The following XPO4 variants were observed in gnomAD, a reference collection of about 807,000 sequenced individuals.
XPO4 encodes exportin-4.
Under a neutral mutation model 143.0 loss-of-function variants are expected in XPO4, and 39 were observed. The observed-to-expected ratio is 0.27, with a 90% CI of 0.21 to 0.36. The LOEUF (loss-of-function observed/expected upper bound fraction) is 0.36, where lower values mean the gene tolerates loss of function less well. XPO4 is among the 10% of genes least tolerant of loss of function. The pLI, the probability that XPO4 is intolerant of heterozygous loss-of-function variation, is 1.00. For synonymous variants in XPO4, 439 were observed against 474.0 expected (o/e 0.93, Z 0.96); for missense variants, 907 against 1,348.0 (o/e 0.67, Z 5.12).
At chr13:20,868,398 C>A in intron 2 of XPO4, 198 bp downstream of exon 2, 1 of 878,392 alleles carries the variant, frequency 1.1e-6, no homozygotes, top group Non-Finnish European at 1.5e-6. Flanking sequence ...GGGGAAAAAT[C>A]CAAAGTAAAA....
intron 1 of XPO4, among the ~76,000 whole-genome samples, chr13:20,888,627 G>C (rs1378388377): frequency 6.6e-6 from 1 of 152,062 alleles, no homozygotes; most frequent in African/African-American, 2.4e-5. Flanking sequence ...AAAGTGCTGC[G>C]ATTACAAGCA....
intron 6 of XPO4, among the ~76,000 whole-genome samples, chr13:20,835,523 T>C (rs531067647): frequency 3.3e-5 from 5 of 152,272 alleles, no homozygotes; most frequent in Non-Finnish European, 4.4e-5. Flanking sequence ...TCAACATCTA[T>C]GTCATTGGCC....
chr13:20,810,432 G>C (rs2059566469), intron 9 of XPO4, among the ~76,000 whole-genome samples: 1 of 152,064 alleles, frequency 6.6e-6, no homozygotes, highest in Admixed American at 6.6e-5. Flanking sequence ...CAGTAGAAAA[G>C]CACTGTCTTC....
intron 2 of XPO4, 95 bp from the exon 3 acceptor site, chr13:20,862,953 G>A: frequency 6.4e-7 from 1 of 1,553,272 alleles, no homozygotes; most frequent in Non-Finnish European, 8.7e-7. Context: ...TTTCAGACAA[G>A]GAATAAGATG....
At chr13:20,896,021 G>C (rs1287785731) in intron 1 of XPO4, among the ~76,000 whole-genome samples, 1 of 152,170 alleles carries the variant, frequency 6.6e-6, no homozygotes, top group African/African-American at 2.4e-5. Context: ...CTGGGGGTCA[G>C]CTATATATTG....
At chr13:20,865,413 A>C (rs2060236542) in intron 2 of XPO4, 1 of 967,312 alleles carries the variant, frequency 1.0e-6, no homozygotes, top group Non-Finnish European at 1.2e-6. Context: ...CTGGGATTAC[A>C]GGTGTGAGCC....
chr13:20,791,267 C>T (rs1407919169), intron 18 of XPO4, among the ~76,000 whole-genome samples: 1 of 152,142 alleles, frequency 6.6e-6, no homozygotes, highest in African/African-American at 2.4e-5. Context: ...ACTTCTGATT[C>T]ATTACATTAA....
At chr13:20,859,177 C>A (rs913053374) in intron 3 of XPO4, among the ~76,000 whole-genome samples, 4 of 151,432 alleles carry the variant, frequency 2.6e-5, no homozygotes, top group African/African-American at 9.7e-5. Context: ...ATTTAAAAAA[C>A]TGAAAAGGAG....
At chr13:20,863,683 GAA>G (rs1442610530) in intron 2 of XPO4, among the ~76,000 whole-genome samples, 11 of 152,078 alleles carry the variant, frequency 7.2e-5, no homozygotes, top group Admixed American at 7.2e-4. Flanking sequence ...ATGAAGTCAA[GAA>G]AAAGCAGAAA....
At chr13:20,882,127 A>AAG (rs1555342756) in intron 1 of XPO4, among the ~76,000 whole-genome samples, 1 of 142,108 alleles carries the variant, frequency 7.0e-6, no homozygotes, top group Non-Finnish European at 1.5e-5. Context: ...AAAAAAAAAA[A>AAG]GAAAGAAAGA....
chr13:20,783,419 A>G lies in XPO4; in HGVS notation c.*303T>C, dbSNP rs2059163469. Reference sequence around the variant, plus strand: ...ATGTTAAAAGGAAAAAAGGCACTGCATATGTATTTCGTGGTGCCCATATCT... The same window carrying G: ...ATGTTAAAAGGAAAAAAGGCACTGCGTATGTATTTCGTGGTGCCCATATCT... On this transcript the variant is annotated 3_prime_UTR_variant, in exon 23 of 23. Transcript: ENST00000255305. 2.8e-6 allele frequency: 1 copy of G among 362,020 alleles called. No individual in the cohort carries two copies. The highest frequency in any genetic ancestry group is 3.8e-5 in the South Asian group (1 of 26,114). 22.4% of individuals were successfully genotyped at this position (362,020 alleles called of 1,614,324 possible).
intron 4 of XPO4, chr13:20,852,273 G>A (rs942270283): frequency 1.0e-6 from 1 of 985,300 alleles, no homozygotes; most frequent in African/African-American, 1.7e-5. Flanking sequence ...CTGTCAAAAT[G>A]AAACAAGATG....
At chr13:20,896,825 A>G (rs1425134392) in intron 1 of XPO4, among the ~76,000 whole-genome samples, 1 of 152,208 alleles carries the variant, frequency 6.6e-6, no homozygotes, top group Non-Finnish European at 1.5e-5. Flanking sequence ...ATGGTTTCAG[A>G]TAACTATTTG....
At chr13:20,851,103 G>A (rs1237323261) in intron 4 of XPO4, 4 of 984,998 alleles carry the variant, frequency 4.1e-6, no homozygotes, top group Non-Finnish European at 4.8e-6. Context: ...TTATATCTGA[G>A]ACTATGAAAA....
chr13:20,804,522 C>G (rs930184928), intron 13 of XPO4, among the ~76,000 whole-genome samples: 4 of 152,140 alleles, frequency 2.6e-5, no homozygotes, highest in African/African-American at 9.7e-5. Flanking sequence ...CAAGAAGCCC[C>G]CTCTGGTTCT....
Position 20,777,941 on chromosome 13 carries a change from C to A in XPO4, c.*5781G>T, listed in dbSNP as rs1399578660. ...TTAGTTTCACCAAATATACCATTTC[C>A]ACTTAGTTTTAAAAGAAAGTCAAAC... On this transcript the variant is annotated 3_prime_UTR_variant, in exon 23 of 23. Transcript: ENST00000255305. 1 of 152,108 alleles carries A rather than the reference C, an allele frequency of 6.6e-6. No individual in the cohort carries two copies. The highest frequency in any genetic ancestry group is 2.4e-5 in the African/African-American group (1 of 41,418). 9.4% of individuals were successfully genotyped at this position (152,108 alleles called of 1,614,324 possible).
At chr13:20,796,642 C>A (rs1189770427) in intron 17 of XPO4, 122 bp downstream of exon 17, 2 of 831,270 alleles carry the variant, frequency 2.4e-6, no homozygotes, top group Non-Finnish European at 3.3e-6. Flanking sequence ...TTTTAAAAAT[C>A]TTTTGAAGGA....
intron 13 of XPO4, among the ~76,000 whole-genome samples, chr13:20,802,502 A>G (rs2059448047): frequency 6.6e-6 from 1 of 152,220 alleles, no homozygotes; most frequent in African/African-American, 2.4e-5. Flanking sequence ...TAAGTTGTAG[A>G]TATGTCAAAA....
chr13:20,844,170 T>A (rs1198307570), intron 4 of XPO4, among the ~76,000 whole-genome samples: 1 of 152,230 alleles, frequency 6.6e-6, no homozygotes, highest in Non-Finnish European at 1.5e-5. Context: ...AATAGTGGAA[T>A]TCAAATGATA....
Sources: allele counts gnomAD v4.1 joint callset (sites outside exome capture counted in the v4.1 genomes callset), GRCh38; gene constraint gnomAD v4.1.1; transcripts MANE v1.5; gene names NCBI Gene and HGNC (gene_info 2026-07-23, HGNC 2026-07-21).